Variants in TBC1D2 observed in about 807,000 individuals in gnomAD.
TBC1D2 encodes TBC1 domain family member 2A.
In TBC1D2, 58 loss-of-function variants were observed where a neutral mutation model predicts 91.1. The observed-to-expected ratio is 0.64, with a 90% CI of 0.52 to 0.79. The LOEUF is 0.79. Among genes scored for constraint, TBC1D2 ranks in the 30% least tolerant of loss-of-function variants. The probability of loss-of-function intolerance (pLI) is 0.00; values close to 1 mark genes in which losing one functional copy is unlikely to be tolerated. For synonymous variants in TBC1D2, 482 were observed against 511.5 expected, an observed-to-expected ratio of 0.94 and a Z score of 0.78; for missense variants, 1,080 against 1,208.3, an observed-to-expected ratio of 0.89 and a Z score of 1.57.
chr9:98,217,135 C>T (rs879734771), intron 6 of TBC1D2, among the ~76,000 whole-genome samples: 1 of 152,182 alleles, frequency 6.6e-6, no homozygotes, highest in African/African-American at 2.4e-5. Context: ...CAGTGGGTGG[C>T]GTCGGGCAGT....
intron 6 of TBC1D2, among the ~76,000 whole-genome samples, chr9:98,214,190 A>G (rs1268146655): frequency 8.3e-3 from 1,058 of 127,166 alleles, no homozygotes; most frequent in Middle Eastern, 0.054. Flanking sequence ...TGACTCCGAC[A>G]TGGCCAGGTT....
At chr9:98,235,983 C>T (rs1056649350) in intron 3 of TBC1D2, among the ~76,000 whole-genome samples, 18 of 151,010 alleles carry the variant, frequency 1.2e-4, no homozygotes, top group African/African-American at 3.6e-4. Flanking sequence ...TGCAGTGAGC[C>T]GAGAAAGCGC....
At chr9:98,236,895 G>T (rs1829517727) in intron 3 of TBC1D2, among the ~76,000 whole-genome samples, 1 of 151,768 alleles carries the variant, frequency 6.6e-6, no homozygotes. Context: ...AGGAACTAAG[G>T]CATGCTTTGT....
chr9:98,220,822 G>A lies in TBC1D2; in HGVS notation c.1374+11C>T, dbSNP rs556055438. On this transcript the variant is annotated intron_variant, in intron 6 of 12. Coordinates refer to ENST00000465784, the MANE Select transcript of TBC1D2 (RefSeq NM_001267571.2). ...CGGCAGGACTGGCAGGCCCTGAGGG[G>A]AGGCCCCTACCTTCAGGTGCTCTAT... The A allele has an allele frequency of 1.2e-6, 2 of 1,612,492 alleles. No individual in the cohort carries two copies. Among genetic ancestry groups the A allele is most frequent in the Admixed American group, 3.3e-5 (2 of 59,960 alleles).
intron 3 of TBC1D2, chr9:98,234,835 G>C: frequency 5.0e-6 from 1 of 200,292 alleles, no homozygotes; most frequent in Non-Finnish European, 1.1e-5. Flanking sequence ...CACTGCGTCA[G>C]GTCAATTTAG....
Position 98,200,557 on chromosome 9 carries a change from G to A in TBC1D2, c.2458-183C>T, listed in dbSNP as rs556278853. Among the ~76,000 whole-genome samples the A allele has an allele frequency of 4.9e-3, 738 of 151,776 alleles. 3 individuals are homozygous for A. Among genetic ancestry groups the A allele is most frequent in the Non-Finnish European group, 8.7e-3 (590 of 67,860 alleles). ...GCTGGGGGAGACTGAATACCCCGGC[G>A]GGGTGGTGGGGGGGCGGGGGAAGGG... On this transcript the variant is annotated intron_variant, in intron 11 of 12. Transcript: ENST00000465784.
intron 2 of TBC1D2, among the ~76,000 whole-genome samples, chr9:98,246,224 G>T (rs1397314926): frequency 6.6e-6 from 1 of 152,168 alleles, no homozygotes; most frequent in East Asian, 1.9e-4. Context: ...TTTCCACTTG[G>T]AGCCCTCTTA....
chr9:98,201,613 T>C lies in TBC1D2; in HGVS notation c.2323A>G (p.Met775Val). Residue 775 changes from methionine (M) to valine (V), a missense_variant, in exon 11 of 13, where the codon ATG (methionine) becomes GTG (valine). Transcript: ENST00000465784. ...DLLSEKLPRL[M>V]AHLGQHHVDL... ...ACGTGGTGCTGCCCCAGATGGGCCA[T>C]CAGCCTGGGCAGCTTCTCCGAGAGC... is the stretch of plus-strand genomic sequence containing the variant. 1 of 1,613,990 alleles carries C rather than the reference T, an allele frequency of 6.2e-7. No homozygotes were observed. Among genetic ancestry groups the C allele is most frequent in the South Asian group, 1.1e-5 (1 of 91,084 alleles).
rs1245888190 is a variant in TBC1D2, at chr9:98,255,225, G to A, written c.317C>T (p.Ala106Val). 6.2e-7 allele frequency: 1 copy of A among 1,613,466 alleles called. No homozygotes were observed. Among genetic ancestry groups the A allele is most frequent in the Non-Finnish European group, 8.5e-7 (1 of 1,179,552 alleles). The change falls in exon 1 of 13, where the codon GCT becomes GTT. Residue 106 changes from alanine (A) to valine (V), a missense_variant. Coordinates refer to ENST00000465784, the MANE Select transcript of TBC1D2 (RefSeq NM_001267571.2). ...CTTGATTTCGAAGATCCCCTCCTCA[G>A]CGTCCGCCTTACAGTCAAACACTGC... ...SSAVFDCKAD[A>V]EEGIFEIKTP... is the part of the protein sequence containing the mutation.
At chr9:98,222,587 C>T (rs571903067) in intron 5 of TBC1D2, among the ~76,000 whole-genome samples, 37 of 152,364 alleles carry the variant, frequency 2.4e-4, no homozygotes, top group Middle Eastern at 6.8e-3. Flanking sequence ...GAGGGCCACG[C>T]CTGGACTCAG....
Position 98,229,122 on chromosome 9 carries a change from G to A in TBC1D2, c.808C>T (p.Pro270Ser). The A allele has an allele frequency of 6.2e-7, 1 of 1,614,214 alleles. No homozygotes were observed. The highest frequency in any genetic ancestry group is 8.5e-7 in the Non-Finnish European group (1 of 1,180,042). Residue 270 changes from proline (P) to serine (S), a missense_variant, in exon 5 of 13, where the codon CCT (proline) becomes TCT (serine). Physicochemically the swap from Pro to Ser is moderately conservative, Grantham distance 74. Coordinates refer to ENST00000465784, the MANE Select transcript of TBC1D2 (RefSeq NM_001267571.2). ...ATGGTCAGAGAAGGCTTGGGTGCAG[G>A]CTTTGGAGAATCCTCTGGCTCTCTC... The part of the protein sequence containing the change: ...PGREPEDSPK[P>S]APKPSLTISF...
chr9:98,244,469 G>T (rs1322596990), intron 2 of TBC1D2, among the ~76,000 whole-genome samples: 1 of 152,026 alleles, frequency 6.6e-6, no homozygotes, highest in Non-Finnish European at 1.5e-5. Flanking sequence ...AAACCAGCCT[G>T]ACCAACATGA....
At chr9:98,208,631 G>A in intron 9 of TBC1D2, 37 bp downstream of exon 9, 1 of 1,509,156 alleles carries the variant, frequency 6.6e-7, no homozygotes, top group Non-Finnish European at 8.9e-7. Context: ...GCTCCAAAAG[G>A]TAAAGATCAC....
chr9:98,201,704 C>T (rs1431526410), intron 10 of TBC1D2, 40 bp from the exon 11 acceptor site: 46 of 1,569,952 alleles, frequency 2.9e-5, no homozygotes, highest in Non-Finnish European at 3.9e-5. Flanking sequence ...GCAGCCCCAG[C>T]GTAGGGCTGC....
intron 4 of TBC1D2, among the ~76,000 whole-genome samples, chr9:98,231,225 TG>T (rs1215297704): frequency 6.9e-6 from 1 of 144,164 alleles, no homozygotes; most frequent in Non-Finnish European, 1.5e-5. Flanking sequence ...GAGAGGAAGG[TG>T]GAGTAAGAGG....
At chr9:98,205,773 G>T (rs559794362) in intron 9 of TBC1D2, among the ~76,000 whole-genome samples, 1 of 152,050 alleles carries the variant, frequency 6.6e-6, no homozygotes, top group East Asian at 1.9e-4. Context: ...ATGTTGTCCA[G>T]GCTGTCTCAA....
At chr9:98,220,703 T>A in intron 6 of TBC1D2, 130 bp downstream of exon 6, 1 of 1,172,494 alleles carries the variant, frequency 8.5e-7, no homozygotes, top group Non-Finnish European at 1.2e-6. Context: ...GTGTTTCTAA[T>A]GTGAATATTC....
intron 5 of TBC1D2, among the ~76,000 whole-genome samples, chr9:98,224,342 G>A (rs1427757785): frequency 6.7e-6 from 1 of 148,288 alleles, no homozygotes; most frequent in East Asian, 2.0e-4. Context: ...GAGTGCAGTG[G>A]CGCAATCACG....
intron 2 of TBC1D2, among the ~76,000 whole-genome samples, chr9:98,248,540 C>T (rs553857585): frequency 6.6e-6 from 1 of 152,296 alleles, no homozygotes; most frequent in African/African-American, 2.4e-5. Flanking sequence ...CCTGGCTGCC[C>T]CTTAGCTTTG....
Sources: gnomAD v4.1 joint callset for allele counts (sites outside exome capture counted in the v4.1 genomes callset) on GRCh38, gnomAD v4.1.1 for gene constraint, MANE v1.5 for transcripts, NCBI Gene and HGNC (gene_info 2026-07-23, HGNC 2026-07-21) for gene names.